The following ARL15 variants were observed in gnomAD, a reference collection of about 807,000 sequenced individuals.
The protein encoded by ARL15 is ADP-ribosylation factor-like protein 15.
Under a neutral mutation model 25.2 loss-of-function variants are expected in ARL15, and 19 were observed. That is an observed-to-expected ratio of 0.75 (90% CI 0.53 to 1.10). The LOEUF (loss-of-function observed/expected upper bound fraction) is 1.10, where lower values mean the gene tolerates loss of function less well. Among genes scored for constraint, ARL15 ranks in the 50% least tolerant of loss-of-function variants. ARL15 has a pLI of 0.00. For synonymous variants in ARL15, 94 were observed against 86.8 expected (o/e 1.08, Z -0.46); for missense variants, 220 against 246.0 (o/e 0.89, Z 0.71).
At chr5:54,297,212 A>G (rs1758487468) in intron 1 of ARL15, among the ~76,000 whole-genome samples, 1 of 151,952 alleles carries the variant, frequency 6.6e-6, no homozygotes, top group African/African-American at 2.4e-5. Context: ...GGCAGACTGG[A>G]CCCCCCTCAA....
intron 4 of ARL15, among the ~76,000 whole-genome samples, chr5:53,909,884 C>T (rs1745397728): frequency 6.6e-6 from 1 of 152,170 alleles, no homozygotes; most frequent in Admixed American, 6.5e-5. Context: ...CACACAATAG[C>T]TGACAATATA....
chr5:54,188,945 T>C (rs1405436849), intron 1 of ARL15, among the ~76,000 whole-genome samples: 1 of 152,192 alleles, frequency 6.6e-6, no homozygotes. Context: ...TTTTGTGCAA[T>C]CTTTAGGGTT....
intron 4 of ARL15, among the ~76,000 whole-genome samples, chr5:54,000,842 A>G (rs1487677513): frequency 1.3e-5 from 2 of 152,138 alleles, no homozygotes; most frequent in Non-Finnish European, 2.9e-5. Flanking sequence ...CTGACATATT[A>G]GATTTCACAG....
At chr5:54,260,056 C>T (rs532698015) in intron 1 of ARL15, among the ~76,000 whole-genome samples, 14 of 152,284 alleles carry the variant, frequency 9.2e-5, no homozygotes, top group African/African-American at 3.4e-4. Context: ...AAGAGTGATG[C>T]AAACCATTGT....
At chr5:54,214,853 G>A (rs1006392285) in intron 1 of ARL15, among the ~76,000 whole-genome samples, 5 of 152,152 alleles carry the variant, frequency 3.3e-5, no homozygotes, top group Admixed American at 2.6e-4. Context: ...ATTGGAAGGA[G>A]GTATGATCAA....
intron 4 of ARL15, among the ~76,000 whole-genome samples, chr5:53,910,561 C>T (rs1251512673): frequency 6.7e-6 from 1 of 148,160 alleles, no homozygotes; most frequent in African/African-American, 2.5e-5. Flanking sequence ...CAAAATGGCA[C>T]ATGTGTACCT....
intron 1 of ARL15, among the ~76,000 whole-genome samples, chr5:54,175,029 C>T (rs113382063): frequency 1.7e-4 from 26 of 152,356 alleles, no homozygotes; most frequent in African/African-American, 5.5e-4. Context: ...TGGAGGAGGG[C>T]TGGCCTGACT....
At chr5:53,967,871 C>G (rs1044713799) in intron 4 of ARL15, among the ~76,000 whole-genome samples, 3 of 151,718 alleles carry the variant, frequency 2.0e-5, no homozygotes, top group African/African-American at 7.3e-5. Context: ...GAATGTGGGG[C>G]CAAAGAAGCT....
chr5:53,974,589 C>T (rs1747869840), intron 4 of ARL15, among the ~76,000 whole-genome samples: 1 of 152,096 alleles, frequency 6.6e-6, no homozygotes, highest in Admixed American at 6.5e-5. Context: ...GTACTTTCAG[C>T]CTATCTTCTT....
chr5:53,901,974 G>C (rs528944418), intron 4 of ARL15, among the ~76,000 whole-genome samples: 1 of 152,328 alleles, frequency 6.6e-6, no homozygotes, highest in Admixed American at 6.5e-5. Context: ...TAGCATGAGA[G>C]GAAGAAGCCC....
intron 4 of ARL15, among the ~76,000 whole-genome samples, chr5:53,923,946 G>A (rs1485979698): frequency 2.6e-5 from 4 of 152,114 alleles, no homozygotes; most frequent in African/African-American, 9.7e-5. Flanking sequence ...GACTTATAAC[G>A]ACTTGTAATT....
In ARL15 at chr5:54,123,465, C is replaced by T. The variant is rs144203681; in HGVS notation, c.254-10055G>A. Among the ~76,000 whole-genome samples, 747 of 152,250 alleles carry T rather than the reference C, an allele frequency of 4.9e-3. 5 individuals carry two copies. Among genetic ancestry groups the T allele is most frequent in the African/African-American group, 0.017 (694 of 41,542 alleles). On this transcript the variant is annotated intron_variant, in intron 3 of 4. Transcript: ENST00000504924. ...CTTCTCTCTGAGCTTCTTTCTAAAG[C>T]GGTACAGTCCCTTTTTTTCTATTCT...
At chr5:53,899,306 C>A (rs1744978285) in intron 4 of ARL15, among the ~76,000 whole-genome samples, 1 of 135,298 alleles carries the variant, frequency 7.4e-6, no homozygotes, top group African/African-American at 2.9e-5. Flanking sequence ...TGGGATCATG[C>A]CACTGCAGTC....
At chr5:54,243,820 C>T (rs1344491881) in intron 1 of ARL15, among the ~76,000 whole-genome samples, 1 of 152,196 alleles carries the variant, frequency 6.6e-6, no homozygotes, top group Non-Finnish European at 1.5e-5. Context: ...AATTTCTTAA[C>T]ATTTGTCACA....
Position 54,095,797 on chromosome 5 carries a change from T to C in ARL15, c.462+17405A>G, listed in dbSNP as rs147232749. ...CATCTGCAAAATGGCAACTGGGGCC[T>C]GTCCAAGTAGCAAAAAACATAAAAA... On this transcript the variant is annotated intron_variant, in intron 4 of 4. Transcript: ENST00000504924. Among the ~76,000 whole-genome samples the C allele has an allele frequency of 1.8e-3, 268 of 151,846 alleles. 1 individual carries two copies. The highest frequency in any genetic ancestry group is 6.3e-3 in the African/African-American group (262 of 41,372).
At chr5:53,934,988 C>T (rs1746309714) in intron 4 of ARL15, among the ~76,000 whole-genome samples, 2 of 152,126 alleles carry the variant, frequency 1.3e-5, no homozygotes, top group African/African-American at 2.4e-5. Flanking sequence ...GAATCCAGAG[C>T]CCTTTCCCAG....
chr5:54,293,600 G>A (rs1189444090), intron 1 of ARL15, among the ~76,000 whole-genome samples: 1 of 152,184 alleles, frequency 6.6e-6, no homozygotes, highest in Non-Finnish European at 1.5e-5. Flanking sequence ...AAGGAACTTT[G>A]CATCTATTCC....
At chr5:54,302,792 C>A (rs1204601550) in intron 1 of ARL15, among the ~76,000 whole-genome samples, 1 of 147,744 alleles carries the variant, frequency 6.8e-6, no homozygotes, top group East Asian at 2.0e-4. Flanking sequence ...GAAGCCAGCC[C>A]TGCTAAAAGT....
At chr5:54,096,594 A>G (rs1752294461) in intron 4 of ARL15, among the ~76,000 whole-genome samples, 1 of 152,084 alleles carries the variant, frequency 6.6e-6, no homozygotes, top group African/African-American at 2.4e-5. Context: ...TATTTTTAGT[A>G]GAGATGGGGT....
Sources: gnomAD v4.1 joint callset for allele counts (sites outside exome capture counted in the v4.1 genomes callset) on GRCh38, gnomAD v4.1.1 for gene constraint, MANE v1.5 for transcripts, NCBI Gene and HGNC (gene_info 2026-07-23, HGNC 2026-07-21) for gene names.